The following CYP7B1 variants were observed in gnomAD, a reference collection of about 807,000 sequenced individuals.
CYP7B1 encodes cytochrome P450 family 7 subfamily B member 1.
CYP7B1 carries 29 observed loss-of-function variants against 42.7 expected under a neutral mutation model. The ratio of observed to expected loss-of-function variants is 0.68; its 90% confidence interval spans 0.51 to 0.93. The LOEUF (loss-of-function observed/expected upper bound fraction) is 0.93. CYP7B1 is among the 40% of genes least tolerant of loss of function. The pLI is 0.00. For missense variants in CYP7B1, 655 were observed against 600.5 expected (o/e 1.09, Z -0.95); for synonymous variants, 235 against 218.2 (o/e 1.08, Z -0.68).
At chr8:64,689,279 A>G (rs1253133381) in intron 1 of CYP7B1, among the ~76,000 whole-genome samples, 1 of 152,256 alleles carries the variant, frequency 6.6e-6, no homozygotes, top group East Asian at 1.9e-4. Context: ...GTTTACTTAA[A>G]GAGGGAAGGG....
At chr8:64,622,067 C>G (rs1045765349) in intron 2 of CYP7B1, among the ~76,000 whole-genome samples, 1 of 152,156 alleles carries the variant, frequency 6.6e-6, no homozygotes, top group Middle Eastern at 3.2e-3. Context: ...AGAACTCAAT[C>G]ATGCTGATAA....
chr8:64,648,936 C>T (rs1805994897), intron 1 of CYP7B1, among the ~76,000 whole-genome samples: 1 of 152,182 alleles, frequency 6.6e-6, no homozygotes, highest in Non-Finnish European at 1.5e-5. Context: ...TAAGAATTAG[C>T]ATCATCCTTA....
At chr8:64,631,321 G>C (rs1415390196) in intron 1 of CYP7B1, among the ~76,000 whole-genome samples, 1 of 151,786 alleles carries the variant, frequency 6.6e-6, no homozygotes, top group Non-Finnish European at 1.5e-5. Context: ...GCACCAACAG[G>C]CTAAAGAAAA....
At chr8:64,699,731 C>G (rs1806883999) in intron 1 of CYP7B1, among the ~76,000 whole-genome samples, 1 of 152,000 alleles carries the variant, frequency 6.6e-6, no homozygotes, top group African/African-American at 2.4e-5. Flanking sequence ...CCTAAAATAG[C>G]TAGCATTATT....
intron 1 of CYP7B1, among the ~76,000 whole-genome samples, chr8:64,721,907 A>C (rs1807242524): frequency 6.6e-6 from 1 of 152,180 alleles, no homozygotes; most frequent in African/African-American, 2.4e-5. Flanking sequence ...TATTCCACCA[A>C]GAATGTCAGT....
Position 64,616,295 on chromosome 8 carries a change from A to G in CYP7B1, c.260-14T>C, listed in dbSNP as rs1805447810. The G allele has an allele frequency of 3.4e-6, 5 of 1,477,730 alleles. No homozygotes were observed. Among genetic ancestry groups the G allele is most frequent in the South Asian group, 1.2e-5 (1 of 82,926 alleles). The allele number at this position is 1,477,730 out of a possible 1,614,324, so 91.5% of individuals were successfully genotyped here. ...TTATGTACTTTCCTAGAAAAAAAAA[A>G]AGAGAGAGAAAATATGAGTTCGTTT... On this transcript the variant is annotated splice_polypyrimidine_tract_variant and intron_variant, in intron 2 of 5. Coordinates refer to ENST00000310193, the MANE Select transcript of CYP7B1 (RefSeq NM_004820.5).
Position 64,615,861 on chromosome 8 carries a change from A to G in CYP7B1, c.680T>C (p.Val227Ala), listed in dbSNP as rs2129630201. 4.3e-6 allele frequency: 7 copies of G among 1,613,752 alleles called. No homozygotes were observed. Among genetic ancestry groups the G allele is most frequent in the Non-Finnish European group, 5.9e-6 (7 of 1,179,774 alleles). Residue 227 changes from valine to alanine, a missense_variant, in exon 3 of 6, where the codon GTA becomes GCA. Coordinates refer to ENST00000310193, the MANE Select transcript of CYP7B1 (RefSeq NM_004820.5). The part of the protein sequence containing the change: ...LKFDDKFAYL[V>A]SNIPIELLGN... Reference sequence around the variant, plus strand: ...TAGAAGCTCAATGGGTATGTTGGATACTAAATATGCAAACTTGTCATCAAA... The same window carrying G: ...TAGAAGCTCAATGGGTATGTTGGATGCTAAATATGCAAACTTGTCATCAAA...
chr8:64,597,370 T>A lies in CYP7B1; in HGVS notation c.1234-441A>T, dbSNP rs539426458. ...AGCTGCCTAACTGTGGATTCCTAATTCGAGTTTCTCTTATCCCTTCCCCAC... is the reference window on the plus strand; with the variant it reads ...AGCTGCCTAACTGTGGATTCCTAATACGAGTTTCTCTTATCCCTTCCCCAC... On this transcript the variant is annotated intron_variant, in intron 5 of 5. Coordinates refer to ENST00000310193, the MANE Select transcript of CYP7B1 (RefSeq NM_004820.5). Among the ~76,000 whole-genome samples the A allele has an allele frequency of 4.6e-5, 7 of 152,278 alleles. No homozygotes were observed. In the East Asian group the frequency reaches 1.4e-3, roughly 29 times the overall value.
chr8:64,776,500 T>C (rs1236718588), intron 1 of CYP7B1, among the ~76,000 whole-genome samples: 1 of 152,164 alleles, frequency 6.6e-6, no homozygotes, highest in Non-Finnish European at 1.5e-5. Context: ...TATCCTAAAA[T>C]ACTTTTAAAC....
chr8:64,779,975 A>C (rs1804393240), intron 1 of CYP7B1, among the ~76,000 whole-genome samples: 1 of 152,156 alleles, frequency 6.6e-6, no homozygotes. Flanking sequence ...ACATATTTTT[A>C]AACTGAATTT....
intron 1 of CYP7B1, among the ~76,000 whole-genome samples, chr8:64,665,943 G>C (rs1806273034): frequency 6.6e-6 from 1 of 152,068 alleles, no homozygotes; most frequent in African/African-American, 2.4e-5. Context: ...ACACAGAAAA[G>C]CTTGTCTTTA....
At position 64,610,963 on chromosome 8, in the gene CYP7B1, C is replaced by T. The variant is rs1456694528; in HGVS notation, c.1057+4063G>A. On this transcript the variant is annotated intron_variant, in intron 4 of 5. Transcript: ENST00000310193. ...AATACTTGACAAATAACCTAATATA[C>T]ATAAAACACTTAACACAGTGGCAGG... Among the ~76,000 whole-genome samples, 3 of 152,080 alleles carry T rather than the reference C, an allele frequency of 2.0e-5. No individual in the cohort carries two copies. The East Asian group carries it at 5.8e-4, about 29-fold the overall frequency.
intron 1 of CYP7B1, among the ~76,000 whole-genome samples, chr8:64,750,824 G>C (rs1314954668): frequency 6.6e-6 from 1 of 152,112 alleles, no homozygotes; most frequent in African/African-American, 2.4e-5. Context: ...AATTTCTCCA[G>C]AACAAAGGTG....
rs1233960868 is a variant in CYP7B1, at chr8:64,595,560, A to G, written c.*1082T>C. Among the ~76,000 whole-genome samples the G allele has an allele frequency of 6.6e-6, 1 of 152,154 alleles. No homozygotes were observed. Among genetic ancestry groups the G allele is most frequent in the Non-Finnish European group, 1.5e-5 (1 of 68,010 alleles). On this transcript the variant is annotated 3_prime_UTR_variant, in exon 6 of 6. Transcript: ENST00000310193. ...CAGGTTCCCAAGGGACCAAAGCGGG[A>G]GGATCACTTGAGGTCAGGATTTGAG...
At chr8:64,786,865 A>G (rs113344157) in intron 1 of CYP7B1, among the ~76,000 whole-genome samples, 5 of 152,268 alleles carry the variant, frequency 3.3e-5, no homozygotes, top group Non-Finnish European at 4.4e-5. Flanking sequence ...TAATCTAGGC[A>G]GAGATTCCCA....
intron 1 of CYP7B1, among the ~76,000 whole-genome samples, chr8:64,650,991 C>T (rs1379953541): frequency 6.6e-6 from 1 of 152,140 alleles, no homozygotes. Context: ...CTTGCAAGTG[C>T]TGACTTTCTA....
At chr8:64,747,824 T>G (rs1807667526) in intron 1 of CYP7B1, among the ~76,000 whole-genome samples, 1 of 151,820 alleles carries the variant, frequency 6.6e-6, no homozygotes, top group Non-Finnish European at 1.5e-5. Flanking sequence ...TGGCTATTCA[T>G]TATTATTATT....
chr8:64,662,868 C>T (rs536601456), intron 1 of CYP7B1, among the ~76,000 whole-genome samples: 4 of 152,096 alleles, frequency 2.6e-5, no homozygotes, highest in Non-Finnish European at 5.9e-5. Flanking sequence ...ATGTTTGACC[C>T]CAGTCCTGCA....
chr8:64,696,297 CTTATTG>C (rs1472271526), intron 1 of CYP7B1, among the ~76,000 whole-genome samples: 2 of 152,140 alleles, frequency 1.3e-5, no homozygotes, highest in African/African-American at 4.8e-5. Flanking sequence ...ACATATTGAA[CTTATTG>C]ATTATGACAA....
Sources: gnomAD v4.1 joint callset for allele counts (sites outside exome capture counted in the v4.1 genomes callset) on GRCh38, gnomAD v4.1.1 for gene constraint, MANE v1.5 for transcripts, NCBI Gene and HGNC (gene_info 2026-07-23, HGNC 2026-07-21) for gene names.